SLCO3A1: variants seen among roughly 807,000 people sequenced by gnomAD.
SLCO3A1 encodes the protein PGE1 transporter.
A neutral mutation model predicts 63.1 loss-of-function variants in SLCO3A1; 27 were observed. The ratio of observed to expected loss-of-function variants is 0.43; its 90% CI spans 0.32 to 0.59. SLCO3A1 has a LOEUF of 0.59. Ranked by LOEUF, SLCO3A1 falls within the 20% of genes least tolerant of loss-of-function variation. The pLI, the probability that SLCO3A1 is intolerant of heterozygous loss-of-function variation, is 0.09. For synonymous variants in SLCO3A1, 473 were observed against 409.9 expected (o/e 1.15, Z -1.86); for missense variants, 773 against 945.8 (o/e 0.82, Z 2.40).
At chr15:91,977,176 C>G (rs1031165474) in intron 2 of SLCO3A1, among the ~76,000 whole-genome samples, 1 of 152,150 alleles carries the variant, frequency 6.6e-6, no homozygotes, top group African/African-American at 2.4e-5. Context: ...TGTGCAAAAA[C>G]GTACTGCCTG....
At chr15:91,997,306 G>T (rs1398146371) in intron 2 of SLCO3A1, among the ~76,000 whole-genome samples, 2 of 152,190 alleles carry the variant, frequency 1.3e-5, no homozygotes, top group Non-Finnish European at 2.9e-5. Context: ...CCGTGGAGGT[G>T]AAAGATCTCT....
chr15:91,908,026 G>A (rs868788443), intron 1 of SLCO3A1, among the ~76,000 whole-genome samples: 11 of 152,164 alleles, frequency 7.2e-5, no homozygotes, highest in Non-Finnish European at 1.6e-4. Context: ...TAACTGTGAC[G>A]TGCAGGTGTG....
chr15:92,120,343 G>GCATTAAAAAA, intron 4 of SLCO3A1, 122 bp from the exon 5 acceptor site: 1 of 987,406 alleles, frequency 1.0e-6, no homozygotes, highest in South Asian at 1.7e-5. Flanking sequence ...GGGTACCTCT[G>GCATTAAAAAA]GATGCTGTTT....
chr15:92,066,585 T>G (rs141687213), intron 2 of SLCO3A1, among the ~76,000 whole-genome samples: 145 of 152,342 alleles, frequency 9.5e-4, no homozygotes, highest in Non-Finnish European at 1.8e-3. Context: ...TTCTATTTAC[T>G]CTGTTTGTGT....
intron 7 of SLCO3A1, among the ~76,000 whole-genome samples, chr15:92,132,013 G>C (rs1425475457): frequency 1.4e-5 from 2 of 145,612 alleles, no homozygotes; most frequent in African/African-American, 5.0e-5. Context: ...GTCAGCCATG[G>C]CTCTGGATAA....
At chr15:92,076,764 G>A (rs1317001493) in intron 2 of SLCO3A1, among the ~76,000 whole-genome samples, 2 of 152,208 alleles carry the variant, frequency 1.3e-5, no homozygotes, top group African/African-American at 4.8e-5. Context: ...CCATCTGCCT[G>A]TAGTCGCACA....
intron 8 of SLCO3A1, among the ~76,000 whole-genome samples, chr15:92,148,015 G>A (rs541132133): frequency 6.6e-6 from 1 of 152,312 alleles, no homozygotes; most frequent in South Asian, 2.1e-4. Context: ...CCAGGGGTTT[G>A]AGACCAGCCT....
At chr15:91,857,029 CGTGTGTGTGTGTGTGT>C (rs58042356) in intron 1 of SLCO3A1, among the ~76,000 whole-genome samples, 27 of 139,108 alleles carry the variant, frequency 1.9e-4, no homozygotes, top group Middle Eastern at 3.6e-3. Context: ...AAGGAGGACT[CGTGTGTGTGTGTGTGT>C]GTGTGTGTGT....
rs144645683 is a variant in SLCO3A1, at chr15:91,913,419, C to G, written c.181-2574C>G. ...TGAAAGCGTCCTAGGGCCCCCAGGC[C>G]ACTCCCCAGACCAGTTCAGTCAGAA... On this transcript the variant is annotated intron_variant, in intron 1 of 9. Coordinates refer to ENST00000318445, the MANE Select transcript of SLCO3A1 (RefSeq NM_013272.4). 1.7e-3 allele frequency among the ~76,000 whole-genome samples: 252 copies of G among 152,336 alleles called. 2 individuals are homozygous for G. Among genetic ancestry groups the G allele is most frequent in the African/African-American group, 5.8e-3 (242 of 41,570 alleles).
rs1031826773 is a variant in SLCO3A1, at chr15:91,963,183, C to T, written c.646+46725C>T. ...GTTAAGAATTCCTTTGTTATCTTGT[C>T]GTGCTTCGAGGCCCGGGAAAGTCCT... On this transcript the variant is annotated intron_variant, in intron 2 of 9. Transcript: ENST00000318445. 3.9e-5 allele frequency among the ~76,000 whole-genome samples: 6 copies of T among 152,088 alleles called. No individual in the cohort carries two copies. The South Asian group carries it at 6.2e-4, about 16-fold the overall frequency.
chr15:91,995,357 C>T (rs1236738779), intron 2 of SLCO3A1, among the ~76,000 whole-genome samples: 2 of 152,140 alleles, frequency 1.3e-5, no homozygotes, highest in African/African-American at 4.8e-5. Flanking sequence ...TCATTGATTC[C>T]TTGTGAGGAG....
intron 2 of SLCO3A1, among the ~76,000 whole-genome samples, chr15:91,975,646 A>T (rs1181886839): frequency 6.6e-6 from 1 of 152,230 alleles, no homozygotes; most frequent in Non-Finnish European, 1.5e-5. Flanking sequence ...GACAAGCTGC[A>T]TCCAGGTACA....
chr15:92,017,882 C>T (rs1386615946), intron 2 of SLCO3A1, among the ~76,000 whole-genome samples: 2 of 152,034 alleles, frequency 1.3e-5, no homozygotes, highest in African/African-American at 2.4e-5. Flanking sequence ...GATAGGGGCC[C>T]ATCACACTAG....
intron 2 of SLCO3A1, among the ~76,000 whole-genome samples, chr15:91,929,978 A>G (rs1297743639): frequency 6.6e-6 from 1 of 152,062 alleles, no homozygotes; most frequent in African/African-American, 2.4e-5. Flanking sequence ...CCTCTTGGCT[A>G]TTGTGAATAA....
chr15:92,128,722 A>T (rs930932479), intron 7 of SLCO3A1, among the ~76,000 whole-genome samples: 2 of 152,220 alleles, frequency 1.3e-5, no homozygotes, highest in Non-Finnish European at 1.5e-5. Context: ...ATTCAAAGGA[A>T]GCTGTATATA....
Position 91,882,687 on chromosome 15 carries a change from C to T in SLCO3A1, c.180+28599C>T, listed in dbSNP as rs1051100082. On this transcript the variant is annotated intron_variant, in intron 1 of 9. Coordinates refer to ENST00000318445, the MANE Select transcript of SLCO3A1 (RefSeq NM_013272.4). The surrounding 1 kb of genome is among the most constrained non-coding windows in gnomAD (Gnocchi z 4.4). ...ATGCACCACCACCACGTCCAGCTAA[C>T]TTTTTTGTATTTTTAGTAGAGACAG... is the stretch of plus-strand genomic sequence containing the variant. Among the ~76,000 whole-genome samples the T allele has an allele frequency of 6.6e-6, 1 of 151,994 alleles. No individual in the cohort carries two copies. Among genetic ancestry groups the T allele is most frequent in the Non-Finnish European group, 1.5e-5 (1 of 67,982 alleles).
intron 8 of SLCO3A1, 127 bp downstream of exon 8, chr15:92,147,286 G>C (rs1380925628): frequency 1.1e-6 from 1 of 887,238 alleles, no homozygotes; most frequent in African/African-American, 1.7e-5. Context: ...ACAGCAAGGA[G>C]CGCAGCTTCT....
At chr15:92,068,003 T>C (rs1487324412) in intron 2 of SLCO3A1, among the ~76,000 whole-genome samples, 1 of 152,090 alleles carries the variant, frequency 6.6e-6, no homozygotes, top group East Asian at 1.9e-4. Context: ...TCATGAGGGC[T>C]TCACCCTCAT....
At chr15:92,024,452 T>G (rs2046546549) in intron 2 of SLCO3A1, among the ~76,000 whole-genome samples, 1 of 152,224 alleles carries the variant, frequency 6.6e-6, no homozygotes, top group Non-Finnish European at 1.5e-5. Flanking sequence ...TTAGACAGTT[T>G]TGGAATTCAT....
Sources: allele counts gnomAD v4.1 joint callset (sites outside exome capture counted in the v4.1 genomes callset), GRCh38; gene constraint gnomAD v4.1.1; non-coding constraint Gnocchi (gnomAD v3.1); transcripts MANE v1.5; gene names NCBI Gene and HGNC (gene_info 2026-07-23, HGNC 2026-07-21).